Variants in TRPC5 observed in about 807,000 individuals in gnomAD.
The protein encoded by TRPC5 is transient receptor potential cation channel subfamily C member 5.
In TRPC5, 9 loss-of-function variants were observed where a neutral mutation model predicts 56.5. The ratio of observed to expected loss-of-function variants is 0.16; its 90% CI spans 0.10 to 0.28. TRPC5 has a LOEUF of 0.28. Among genes scored for constraint, TRPC5 ranks in the 10% least tolerant of loss-of-function variants. TRPC5 has a pLI of 1.00. For synonymous variants in TRPC5, 282 were observed against 278.5 expected, an observed-to-expected ratio of 1.01 and a Z score of -0.13; for missense variants, 469 against 748.9, an observed-to-expected ratio of 0.63 and a Z score of 4.36.
chrX:111,863,915 A>G (rs1386062936), intron 3 of TRPC5, among the ~76,000 whole-genome samples: 1 of 111,999 alleles, frequency 8.9e-6, no homozygotes, highest in Non-Finnish European at 1.9e-5. Flanking sequence ...GTATTACATT[A>G]ACTGATTTTT....
Position 111,776,236 on chromosome X carries a change from CAT to C in TRPC5, c.*75_*76del. On this transcript the variant is annotated 3_prime_UTR_variant, in exon 11 of 11. Coordinates refer to ENST00000262839, the MANE Select transcript of TRPC5 (RefSeq NM_012471.3). ...TGGGGGGCAGGGGCAGTGAGGGAAT[CAT>C]ATTCTGTGTCACCTCTGAGAGCAAG... The C allele has an allele frequency of 9.9e-7, 1 of 1,007,956 alleles. No homozygotes were observed. The highest frequency in any genetic ancestry group is 3.0e-5 in the South Asian group (1 of 33,264). The allele number at this position is 1,007,956 out of a possible 1,213,427, so 83.1% of individuals were successfully genotyped here. A position where few individuals can be genotyped will look rare whatever the true frequency, so the allele number is the denominator to read the frequency against.
At chrX:111,897,139 A>C (rs1925105252) in intron 3 of TRPC5, among the ~76,000 whole-genome samples, 1 of 111,636 alleles carries the variant, frequency 9.0e-6, no homozygotes, top group South Asian at 3.7e-4. Flanking sequence ...CTTGGGTCCC[A>C]TTCCTAAGAT....
chrX:111,786,583 A>G (rs1945967668), intron 7 of TRPC5, among the ~76,000 whole-genome samples: 2 of 111,170 alleles, frequency 1.8e-5, no homozygotes, highest in Admixed American at 9.7e-5. Flanking sequence ...TTAAATGTAA[A>G]TGGGCTAAAT....
At chrX:111,825,138 CCTTCCTTCCTTTCTTT>C (rs1922156222) in intron 7 of TRPC5, among the ~76,000 whole-genome samples, 5 of 75,748 alleles carry the variant, frequency 6.6e-5, no homozygotes, top group Non-Finnish European at 1.1e-4. Context: ...TTCCTTCCTT[CCTTCCTTCCTTTCTTT>C]CTTTCTTTCT....
At position 111,818,811 on chromosome X, in the gene TRPC5, T is replaced by G. The variant is rs377708829; in HGVS notation, c.1896+16110A>C. On this transcript the variant is annotated intron_variant, in intron 7 of 10. Transcript: ENST00000262839. ...TAGAGGCGGGGTTTCTCCATATTGG[T>G]CAGGCTGGTCTCGAACTCCTGACCT... Among the ~76,000 whole-genome samples the G allele has an allele frequency of 4.7e-3, 514 of 109,648 alleles. 3 individuals are homozygous for G. Among genetic ancestry groups the G allele is most frequent in the African/African-American group, 0.016 (491 of 30,157 alleles).
intron 3 of TRPC5, chrX:111,901,681 A>G (rs1209284251): frequency 5.1e-6 from 2 of 392,193 alleles, no homozygotes; most frequent in Non-Finnish European, 4.3e-6. Flanking sequence ...ATATTGTTCT[A>G]CTGTTCTCAT....
At chrX:111,997,310 A>T (rs1253380649) in intron 1 of TRPC5, among the ~76,000 whole-genome samples, 1 of 111,646 alleles carries the variant, frequency 9.0e-6, no homozygotes, top group Admixed American at 9.6e-5. Context: ...TTTCTTTAAG[A>T]ATGTTGAATA....
At chrX:111,811,335 A>C (rs1388029886) in intron 7 of TRPC5, among the ~76,000 whole-genome samples, 2 of 112,947 alleles carry the variant, frequency 1.8e-5, no homozygotes, top group Non-Finnish European at 3.7e-5. Context: ...GTATGCCAGC[A>C]AAATGTTAGA....
intron 7 of TRPC5, among the ~76,000 whole-genome samples, chrX:111,825,163 CTTTCTT>C: frequency 1.6e-5 from 1 of 60,927 alleles, no homozygotes; most frequent in East Asian, 5.8e-4. Context: ...TTCTTTCTTT[CTTTCTT>C]TCTTTCTTTC....
At chrX:111,818,482 A>T (rs1921929121) in intron 7 of TRPC5, among the ~76,000 whole-genome samples, 1 of 111,502 alleles carries the variant, frequency 9.0e-6, no homozygotes, top group Non-Finnish European at 1.9e-5. Flanking sequence ...TCAGTCCTAG[A>T]GCCTGGCACA....
intron 5 of TRPC5, among the ~76,000 whole-genome samples, chrX:111,848,921 A>G (rs2022740572): frequency 8.9e-6 from 1 of 112,309 alleles, no homozygotes; most frequent in African/African-American, 3.2e-5. Flanking sequence ...GCTAAAGATC[A>G]CACAGCAAGT....
At chrX:111,858,094 A>C (rs1361050824) in intron 3 of TRPC5, among the ~76,000 whole-genome samples, 1 of 112,179 alleles carries the variant, frequency 8.9e-6, no homozygotes, top group Non-Finnish European at 1.9e-5. Flanking sequence ...GGCAGAACAA[A>C]CTGCAATTAG....
chrX:111,966,260 C>T (rs1217238867), intron 1 of TRPC5, among the ~76,000 whole-genome samples: 2 of 111,566 alleles, frequency 1.8e-5, no homozygotes, highest in Non-Finnish European at 3.8e-5. Flanking sequence ...ACACATACAC[C>T]CTCCCAAGAC....
At position 111,854,022 on chromosome X, in the gene TRPC5, C is replaced by A; in HGVS notation, c.985G>T (p.Val329Phe). 4 of 1,211,825 alleles carry A rather than the reference C, an allele frequency of 3.3e-6. No individual in the cohort carries two copies. The highest frequency in any genetic ancestry group is 4.5e-6 in the Non-Finnish European group (4 of 895,476). ...ATGGTCATGCAGGTTAGAAGCTTGA[C>A]TACCCAGTGTTTCCGCCGCCATCCA... ...FPGWRRKHWV[V>F]KLLTCMTIGF... Residue 329 changes from valine (V) to phenylalanine (F), a missense_variant, in exon 4 of 11, where the codon GTC becomes TTC. Physicochemically the swap from Val to Phe is conservative, Grantham distance 50 (BLOSUM62 -1). Around this residue, in one of 3 missense-constraint regions of TRPC5, gnomAD observed 157 missense variants for 360.0 expected, o/e 0.44. Transcript: ENST00000262839.
At chrX:111,933,964 C>T (rs1183795102) in intron 2 of TRPC5, among the ~76,000 whole-genome samples, 3 of 111,345 alleles carry the variant, frequency 2.7e-5, no homozygotes, top group African/African-American at 9.7e-5. Flanking sequence ...CATGTATACA[C>T]TGTATAATCA....
chrX:112,014,983 A>G (rs773375958), intron 1 of TRPC5, among the ~76,000 whole-genome samples: 1 of 110,880 alleles, frequency 9.0e-6, no homozygotes, highest in South Asian at 3.8e-4. Context: ...CCAATGTTGA[A>G]AACCACTGTT....
At chrX:112,017,924 G>A (rs954297641) in intron 1 of TRPC5, among the ~76,000 whole-genome samples, 2 of 112,161 alleles carry the variant, frequency 1.8e-5, no homozygotes. Flanking sequence ...GAGATACATA[G>A]TAAGTATAAA....
intron 1 of TRPC5, among the ~76,000 whole-genome samples, chrX:112,006,194 G>T (rs769061972): frequency 1.8e-5 from 2 of 111,055 alleles, no homozygotes; most frequent in South Asian, 7.9e-4. Flanking sequence ...AGAGGATGGT[G>T]GTTGAGAGGT....
intron 2 of TRPC5, among the ~76,000 whole-genome samples, chrX:111,924,468 T>G (rs776776237): frequency 4.9e-5 from 5 of 101,397 alleles, no homozygotes; most frequent in African/African-American, 1.8e-4. Context: ...GAGAGGCCTT[T>G]AAAAAAAAAA....
Sources: allele counts gnomAD v4.1 joint callset (sites outside exome capture counted in the v4.1 genomes callset), GRCh38; gene constraint gnomAD v4.1.1; regional missense constraint gnomAD v4.1.1; transcripts MANE v1.5; gene names NCBI Gene and HGNC (gene_info 2026-07-23, HGNC 2026-07-21).